TTLL11: variants seen among roughly 807,000 people sequenced by gnomAD.
TTLL11 encodes the protein tubulin tyrosine ligase like 11.
Under a neutral mutation model 51.7 loss-of-function variants are expected in TTLL11, and 42 were observed. The observed-to-expected ratio is 0.81, with a 90% CI of 0.64 to 1.05. TTLL11 has a LOEUF of 1.05. TTLL11 is among the 50% of genes least tolerant of loss of function. TTLL11 has a pLI of 0.00. For missense variants in TTLL11, 799 were observed against 940.4 expected (o/e 0.85, Z 1.97); for synonymous variants, 381 against 383.5 (o/e 0.99, Z 0.08).
At chr9:121,897,646 G>GCA (rs1048239158) in intron 6 of TTLL11, among the ~76,000 whole-genome samples, 5 of 54,352 alleles carry the variant, frequency 9.2e-5, no homozygotes, top group Non-Finnish European at 1.6e-4. Context: ...ACACACGCGC[G>GCA]CGCGAAGTCT....
At chr9:121,838,581 T>C (rs1039085848) in intron 8 of TTLL11, among the ~76,000 whole-genome samples, 1 of 152,062 alleles carries the variant, frequency 6.6e-6, no homozygotes, top group Non-Finnish European at 1.5e-5. Flanking sequence ...TAGCAGGGCG[T>C]TGTGGCATGT....
chr9:121,857,570 C>A (rs1837867076), intron 8 of TTLL11, among the ~76,000 whole-genome samples: 1 of 152,248 alleles, frequency 6.6e-6, no homozygotes, highest in Non-Finnish European at 1.5e-5. Flanking sequence ...ACTGCTGTTA[C>A]TACTATTCCA....
intron 1 of TTLL11, among the ~76,000 whole-genome samples, chr9:122,080,656 G>A (rs1032645898): frequency 4.6e-5 from 7 of 152,058 alleles, no homozygotes; most frequent in African/African-American, 1.4e-4. Flanking sequence ...TCATGCTGCT[G>A]CACTCCAGCC....
intron 1 of TTLL11, among the ~76,000 whole-genome samples, chr9:122,057,445 C>T (rs1224083851): frequency 2.0e-5 from 3 of 151,524 alleles, no homozygotes; most frequent in South Asian, 2.1e-4. Context: ...CCTCAGCCTT[C>T]GGAGTCAGTA....
intron 6 of TTLL11, among the ~76,000 whole-genome samples, chr9:121,955,466 A>T (rs991535830): frequency 2.6e-5 from 4 of 152,240 alleles, no homozygotes; most frequent in Non-Finnish European, 5.9e-5. Context: ...ATACTCAGGT[A>T]GTATGTGGTG....
At chr9:121,895,071 GA>G (rs1839403224) in intron 6 of TTLL11, among the ~76,000 whole-genome samples, 1 of 152,090 alleles carries the variant, frequency 6.6e-6, no homozygotes, top group East Asian at 1.9e-4. Context: ...TCGTTTAAAT[GA>G]AAAGATAAAG....
intron 3 of TTLL11, among the ~76,000 whole-genome samples, chr9:122,008,061 A>C (rs1843702906): frequency 6.6e-6 from 1 of 152,200 alleles, no homozygotes; most frequent in Admixed American, 6.5e-5. Context: ...TCTAATACTG[A>C]GGAAACCCCA....
chr9:122,068,869 C>T (rs1322051306), intron 1 of TTLL11, among the ~76,000 whole-genome samples: 1 of 152,182 alleles, frequency 6.6e-6, no homozygotes, highest in Non-Finnish European at 1.5e-5. Flanking sequence ...CCTGGGCTCA[C>T]TTATAAAAAC....
chr9:121,829,452 T>C (rs975017584), intron 8 of TTLL11, among the ~76,000 whole-genome samples: 2 of 152,068 alleles, frequency 1.3e-5, no homozygotes, highest in Admixed American at 6.5e-5. Context: ...AGTGGTGAAA[T>C]GGCTATAGAC....
chr9:121,836,729 A>G (rs375427725), intron 8 of TTLL11, among the ~76,000 whole-genome samples: 4 of 152,254 alleles, frequency 2.6e-5, no homozygotes, highest in Admixed American at 6.5e-5. Flanking sequence ...GGATGACCCA[A>G]CGTGAGATGG....
At chr9:122,017,953 C>G (rs1391411459) in intron 3 of TTLL11, among the ~76,000 whole-genome samples, 1 of 152,056 alleles carries the variant, frequency 6.6e-6, no homozygotes, top group African/African-American at 2.4e-5. Context: ...TTTGTTTATA[C>G]ACAGGAAAAG....
chr9:121,829,946 T>C (rs1367052252), intron 8 of TTLL11, among the ~76,000 whole-genome samples: 1 of 152,176 alleles, frequency 6.6e-6, no homozygotes, highest in Non-Finnish European at 1.5e-5. Context: ...TCTTATCATA[T>C]ACTAGGATAA....
In TTLL11 at chr9:121,989,276, C is replaced by A. The variant is rs199532582; in HGVS notation, c.1188G>T (p.Thr396=). ...WSDIISVVIK[T]VIALTPELKV... Reference sequence around the variant, plus strand: ...TGAGCTCTGGAGTCAGCGCGATGACCGTCTTAATCACCACGGAGATGATGT... The same window carrying A: ...TGAGCTCTGGAGTCAGCGCGATGACAGTCTTAATCACCACGGAGATGATGT... The change falls in exon 4 of 9, where the codon ACG becomes ACT. Residue 396 remains threonine (T), a synonymous_variant. Coordinates refer to ENST00000321582, the MANE Select transcript of TTLL11 (RefSeq NM_001139442.2). The surrounding 1 kb of genome is among the most constrained non-coding windows in gnomAD (Gnocchi z 4.2). 1.2e-6 allele frequency: 2 copies of A among 1,614,160 alleles called. No homozygotes were observed. The highest frequency in any genetic ancestry group is 1.7e-6 in the Non-Finnish European group (2 of 1,180,014).
Position 121,853,469 on chromosome 9 carries a change from TG to T in TTLL11, c.1840+6867del, listed in dbSNP as rs1837726429. The stretch of plus-strand genomic sequence containing the variant: ...CAAGGAGAGGGGGTTCCTGCAGAGG[TG>T]GGGGCCTGAGGGGGCCGGCCATTCT... On this transcript the variant is annotated intron_variant, in intron 8 of 8. Coordinates refer to ENST00000321582, the MANE Select transcript of TTLL11 (RefSeq NM_001139442.2). This position sits in a 1 kb window ranked among gnomAD's most constrained non-coding sequence, Gnocchi z 5.6. Among the ~76,000 whole-genome samples the T allele has an allele frequency of 3.2e-5, 1 of 30,970 alleles. No individual in the cohort carries two copies. Among genetic ancestry groups the T allele is most frequent in the African/African-American group, 1.3e-4 (1 of 7,636 alleles). The allele number at this position is 30,970 out of a possible 152,430, so 20.3% of individuals were successfully genotyped here.
At chr9:122,019,430 G>C (rs907637012) in intron 3 of TTLL11, among the ~76,000 whole-genome samples, 1 of 151,982 alleles carries the variant, frequency 6.6e-6, no homozygotes, top group South Asian at 2.1e-4. Flanking sequence ...ATCTCATCTG[G>C]GGTCAGATCC....
At chr9:122,062,540 C>A (rs930393597) in intron 1 of TTLL11, among the ~76,000 whole-genome samples, 1 of 127,058 alleles carries the variant, frequency 7.9e-6, no homozygotes, top group South Asian at 2.5e-4. Context: ...ATGATCCTGG[C>A]TCACTGCAAC....
At position 121,989,896 on chromosome 9, in the gene TTLL11, GC is replaced by G. The variant is rs1843062618; in HGVS notation, c.694-127del. 2 of 1,487,628 alleles carry G rather than the reference GC, an allele frequency of 1.3e-6. No homozygotes were observed. Among genetic ancestry groups the G allele is most frequent in the South Asian group, 2.8e-5 (2 of 72,482 alleles). 92.2% of individuals were successfully genotyped at this position (1,487,628 alleles called of 1,614,324 possible). On this transcript the variant is annotated intron_variant, in intron 3 of 8. Coordinates refer to ENST00000321582, the MANE Select transcript of TTLL11 (RefSeq NM_001139442.2). The surrounding 1 kb of genome is among the most constrained non-coding windows in gnomAD (Gnocchi z 4.2). The stretch of plus-strand genomic sequence containing the variant: ...ATGATCCCTGCCGATCTGAGCAGGG[GC>G]TGAGCATCTTCCATGGAGATGACAC...
At chr9:121,837,917 CTGTT>C (rs1179846855) in intron 8 of TTLL11, among the ~76,000 whole-genome samples, 1 of 152,216 alleles carries the variant, frequency 6.6e-6, no homozygotes, top group Non-Finnish European at 1.5e-5. Context: ...CTTCCCACGT[CTGTT>C]TCATCTCGCT....
intron 6 of TTLL11, among the ~76,000 whole-genome samples, chr9:121,898,125 C>G (rs2131466691): frequency 1.3e-5 from 2 of 152,252 alleles, no homozygotes; most frequent in East Asian, 3.9e-4. Flanking sequence ...ACCATGTTGG[C>G]CAGGCTGGTC....
Sources: allele counts gnomAD v4.1 joint callset (sites outside exome capture counted in the v4.1 genomes callset), GRCh38; gene constraint gnomAD v4.1.1; non-coding constraint Gnocchi (gnomAD v3.1); transcripts MANE v1.5; gene names NCBI Gene and HGNC (gene_info 2026-07-23, HGNC 2026-07-21).